Variants in NEDD4 observed in about 807,000 individuals in gnomAD.
The protein encoded by NEDD4 is E3 ubiquitin-protein ligase NEDD4.
NEDD4 carries 99 observed loss-of-function variants against 144.9 expected under a neutral mutation model. The observed-to-expected ratio is 0.68, with a 90% CI of 0.58 to 0.81. NEDD4 has a LOEUF of 0.81. Ranked by LOEUF, NEDD4 falls within the 30% of genes least tolerant of loss-of-function variation. The pLI is 0.00. For synonymous variants in NEDD4, 318 were observed against 350.6 expected, an observed-to-expected ratio of 0.91 and a Z score of 1.04; for missense variants, 985 against 1,065.9, an observed-to-expected ratio of 0.92 and a Z score of 1.06.
rs2032768074 is a variant in NEDD4 at position 55,827,933 on chromosome 15, G to C, written c.*1964C>G. On this transcript the variant is annotated 3_prime_UTR_variant, in exon 29 of 29. Coordinates refer to ENST00000435532, the MANE Select transcript of NEDD4 (RefSeq NM_006154.4). ...ATCTGTCTGGAACTTCTGACAATCT[G>C]GCATGACAATGAGGGTGGGCATGAT... 1 of 152,058 alleles carries C rather than the reference G, an allele frequency of 6.6e-6. No individual in the cohort carries two copies. The highest frequency in any genetic ancestry group is 6.6e-5 in the Admixed American group (1 of 15,248). The allele number at this position is 152,058 out of a possible 1,614,324, so 9.4% of individuals were successfully genotyped here. A position where few individuals can be genotyped will look rare whatever the true frequency, so the allele number is the denominator to read the frequency against.
intron 1 of NEDD4, among the ~76,000 whole-genome samples, chr15:55,967,667 A>G (rs1182321972): frequency 6.6e-6 from 1 of 152,138 alleles, no homozygotes; most frequent in Non-Finnish European, 1.5e-5. Context: ...TTCACAAGTT[A>G]CAAAACTATT....
chr15:55,908,808 G>C (rs1254414186), intron 5 of NEDD4, among the ~76,000 whole-genome samples: 1 of 152,096 alleles, frequency 6.6e-6, no homozygotes, highest in Non-Finnish European at 1.5e-5. Flanking sequence ...AGGAAGCTGA[G>C]GCAAGAGGAT....
chr15:55,971,568 TC>T (rs1443105659), intron 1 of NEDD4, among the ~76,000 whole-genome samples: 2 of 143,018 alleles, frequency 1.4e-5, no homozygotes, highest in African/African-American at 5.3e-5. Flanking sequence ...GAGGCTGCAG[TC>T]AGCAGAGATT....
At position 55,951,395 on chromosome 15, in the gene NEDD4, T is replaced by C. The variant is rs1401702944; in HGVS notation, c.218A>G (p.Asn73Ser). 3.0e-6 allele frequency: 3 copies of C among 1,004,024 alleles called. No homozygotes were observed. Among genetic ancestry groups the C allele is most frequent in the African/African-American group, 3.3e-5 (2 of 60,068 alleles). 62.2% of individuals were successfully genotyped at this position (1,004,024 alleles called of 1,614,324 possible). ...ACTTACTCTGAATAATATTTCTTCA[T>C]TCCACTTTGGATTCAAACTCTAAAA... ...TIKKSLNPKW[N>S]EEILFRVHPQ... Residue 73 changes from asparagine (N) to serine (S), a missense_variant, in exon 4 of 29, where the codon AAT (asparagine) becomes AGT (serine). Asn to Ser is a conservative substitution (Grantham distance 46). Transcript: ENST00000435532.
At chr15:55,915,907 T>G (rs376377663) in intron 5 of NEDD4, 15 of 1,613,874 alleles carry the variant, frequency 9.3e-6, no homozygotes, top group Non-Finnish European at 1.1e-5. Context: ...CCATCCTCAT[T>G]ATGTGCAATT....
chr15:55,890,013 T>C (rs1213951072), intron 5 of NEDD4, among the ~76,000 whole-genome samples: 1 of 152,106 alleles, frequency 6.6e-6, no homozygotes, highest in African/African-American at 2.4e-5. Context: ...TAATTGTACA[T>C]TTAAAAATAA....
chr15:55,977,636 TC>T (rs57899623), intron 1 of NEDD4, among the ~76,000 whole-genome samples: 2,964 of 152,032 alleles, frequency 0.019, 111 homozygotes, highest in African/African-American at 0.069. Context: ...AGAAGGGAAA[TC>T]CTCAGGTATC....
intron 7 of NEDD4, among the ~76,000 whole-genome samples, chr15:55,870,573 G>C (rs1377720806): frequency 7.6e-6 from 1 of 131,166 alleles, no homozygotes; most frequent in African/African-American, 2.9e-5. Context: ...TCCCTCTGTC[G>C]CCCAGGATGA....
intron 12 of NEDD4, among the ~76,000 whole-genome samples, chr15:55,854,675 G>A (rs67497103): frequency 0.14 from 20,884 of 151,978 alleles, 1,583 homozygotes; most frequent in East Asian, 0.36. Context: ...CTTGATTGTG[G>A]TGATGTCTCC....
At chr15:55,971,847 G>C (rs1463258548) in intron 1 of NEDD4, among the ~76,000 whole-genome samples, 1 of 151,886 alleles carries the variant, frequency 6.6e-6, no homozygotes, top group East Asian at 1.9e-4. Context: ...ATAAAGAATG[G>C]ATCTTAGACG....
chr15:55,929,742 G>C (rs1355974131), intron 4 of NEDD4, among the ~76,000 whole-genome samples: 1 of 152,128 alleles, frequency 6.6e-6, no homozygotes, highest in African/African-American at 2.4e-5. Flanking sequence ...TAGATTACCA[G>C]AGATCACGAA....
At chr15:55,906,477 C>T (rs1463591022) in intron 5 of NEDD4, among the ~76,000 whole-genome samples, 3 of 152,074 alleles carry the variant, frequency 2.0e-5, no homozygotes, top group Admixed American at 6.6e-5. Flanking sequence ...TTCATGTCCT[C>T]TGTAGGGACA....
Position 55,830,415 on chromosome 15 carries a change from C to T in NEDD4, c.2600+99G>A, listed in dbSNP as rs550791101. ...CTTACCCATAATCCATACCTGCCAC[C>T]GACATAACACAGAGGAGACTAGCCC... On this transcript the variant is annotated intron_variant, in intron 28 of 28. Coordinates refer to ENST00000435532, the MANE Select transcript of NEDD4 (RefSeq NM_006154.4). 1.1e-4 allele frequency: 114 copies of T among 1,054,754 alleles called. No individual in the cohort carries two copies. The South Asian group carries it at 1.2e-3, about 11-fold the overall frequency. 65.3% of individuals were successfully genotyped at this position (1,054,754 alleles called of 1,614,324 possible). A position where few individuals can be genotyped will look rare whatever the true frequency, so the allele number is the denominator to read the frequency against.
At chr15:55,982,062 C>T (rs1408235618) in intron 1 of NEDD4, among the ~76,000 whole-genome samples, 1 of 152,042 alleles carries the variant, frequency 6.6e-6, no homozygotes, top group East Asian at 1.9e-4. Flanking sequence ...AGCTGATAAC[C>T]TAGGTTACTA....
intron 4 of NEDD4, among the ~76,000 whole-genome samples, chr15:55,934,091 T>C (rs1464423863): frequency 6.6e-6 from 1 of 152,146 alleles, no homozygotes; most frequent in Non-Finnish European, 1.5e-5. Flanking sequence ...AGGTGGAGGT[T>C]GCAGTGAGCC....
chr15:55,933,839 T>G (rs1327423020), intron 4 of NEDD4, among the ~76,000 whole-genome samples: 1 of 152,162 alleles, frequency 6.6e-6, no homozygotes, highest in East Asian at 1.9e-4. Context: ...GTGAGTCAAT[T>G]AAAACTTTTT....
At chr15:55,967,644 A>AT (rs1167081807) in intron 1 of NEDD4, among the ~76,000 whole-genome samples, 1 of 151,152 alleles carries the variant, frequency 6.6e-6, no homozygotes, top group Non-Finnish European at 1.5e-5. Flanking sequence ...AAACATGTAT[A>AT]TTTTTTAAAA....
chr15:55,977,966 A>G (rs1397568735), intron 1 of NEDD4, among the ~76,000 whole-genome samples: 3 of 152,226 alleles, frequency 2.0e-5, no homozygotes, highest in African/African-American at 4.8e-5. Flanking sequence ...CTCAAGTGGT[A>G]AAGTATAATT....
At chr15:55,852,326 G>T in intron 13 of NEDD4, 98 bp downstream of exon 13, 7 of 1,257,404 alleles carry the variant, frequency 5.6e-6, no homozygotes, top group Non-Finnish European at 6.5e-6. Flanking sequence ...GAAGGTGGTA[G>T]AAGTATCCAG....
Sources: allele counts gnomAD v4.1 joint callset (sites outside exome capture counted in the v4.1 genomes callset), GRCh38; gene constraint gnomAD v4.1.1; transcripts MANE v1.5; gene names NCBI Gene and HGNC (gene_info 2026-07-23, HGNC 2026-07-21).